The following PTPRN2 variants were observed in gnomAD, a reference collection of about 807,000 sequenced individuals.
PTPRN2 encodes the protein protein tyrosine phosphatase receptor type N2.
In PTPRN2, 74 loss-of-function variants were observed where a neutral mutation model predicts 118.8. The ratio of observed to expected loss-of-function variants is 0.62; its 90% CI spans 0.52 to 0.76. The LOEUF is 0.76. Ranked by LOEUF, PTPRN2 falls within the 30% of genes least tolerant of loss-of-function variation. The pLI is 0.00. For synonymous variants in PTPRN2, 641 were observed against 608.0 expected (o/e 1.05, Z -0.80); for missense variants, 1,481 against 1,394.4 (o/e 1.06, Z -0.99).
chr7:158,234,833 G>C (rs1305477266), intron 3 of PTPRN2, among the ~76,000 whole-genome samples: 1 of 152,074 alleles, frequency 6.6e-6, no homozygotes, highest in Non-Finnish European at 1.5e-5. Context: ...CACAATCTCC[G>C]CTCACTGCAA....
chr7:157,568,955 CCTG>C lies in PTPRN2; in HGVS notation c.2846_2848del (p.Ala949del). ...GATCAGGACGTAGGTGCCGCTCCGG[CCTG>C]CACCGTCACTGCCAACAGAAGGAGA... On this transcript the variant is annotated inframe_deletion, in exon 21 of 23. Transcript: ENST00000389418. 1 of 1,573,444 alleles carries C rather than the reference CCTG, an allele frequency of 6.4e-7. No individual in the cohort carries two copies. Among genetic ancestry groups the C allele is most frequent in the Non-Finnish European group, 8.7e-7 (1 of 1,143,276 alleles).
At chr7:157,829,282 G>GCAA (rs2151156952) in intron 12 of PTPRN2, among the ~76,000 whole-genome samples, 1 of 152,328 alleles carries the variant, frequency 6.6e-6, no homozygotes, top group East Asian at 1.9e-4. Flanking sequence ...TGTTGGGGCA[G>GCAA]GTGCTATCTG....
rs775989229 is a variant in PTPRN2, at chr7:158,192,304, C to T, written c.549+23G>A. The stretch of plus-strand genomic sequence containing the variant: ...CCTGAAGGAAAAGCCAACCCCGGCC[C>T]GGGGAGGAAGTGGAAGGGTCACCTC... On this transcript the variant is annotated intron_variant, in intron 5 of 22. Transcript: ENST00000389418. 9.9e-5 allele frequency: 143 copies of T among 1,448,200 alleles called. 1 individual carries two copies. The highest frequency in any genetic ancestry group is 6.0e-5 in the African/African-American group (4 of 67,122). 89.7% of individuals were successfully genotyped at this position (1,448,200 alleles called of 1,614,324 possible).
intron 5 of PTPRN2, among the ~76,000 whole-genome samples, chr7:158,187,916 C>A (rs1419522735): frequency 6.6e-6 from 1 of 152,170 alleles, no homozygotes; most frequent in Non-Finnish European, 1.5e-5. Flanking sequence ...AGAAGGTGGA[C>A]CCTGGCTGCT....
chr7:157,906,904 C>G (rs904022166), intron 11 of PTPRN2, among the ~76,000 whole-genome samples: 3 of 152,162 alleles, frequency 2.0e-5, no homozygotes, highest in Admixed American at 6.5e-5. Flanking sequence ...TTCTTTGGTT[C>G]TGGGACCTCT....
At chr7:158,353,862 C>T (rs936926038) in intron 2 of PTPRN2, among the ~76,000 whole-genome samples, 11 of 152,224 alleles carry the variant, frequency 7.2e-5, no homozygotes, top group African/African-American at 2.7e-4. Flanking sequence ...CCTGCCTCAA[C>T]CCATGGGGAG....
chr7:157,762,502 C>T lies in PTPRN2; in HGVS notation c.1789-79565G>A, dbSNP rs540998233. Among the ~76,000 whole-genome samples the T allele has an allele frequency of 2.9e-4, 44 of 150,226 alleles. No individual in the cohort carries two copies. The South Asian group carries it at 7.8e-3, about 27-fold the overall frequency. On this transcript the variant is annotated intron_variant, in intron 12 of 22. Transcript: ENST00000389418. ...AGTAAACTATCGCAAAAACAAAAAACCGAACACCGCATATTCTCACTCATA... is the reference window on the plus strand; with the variant it reads ...AGTAAACTATCGCAAAAACAAAAAATCGAACACCGCATATTCTCACTCATA...
At chr7:157,773,758 G>C (rs1415602358) in intron 12 of PTPRN2, among the ~76,000 whole-genome samples, 1 of 152,208 alleles carries the variant, frequency 6.6e-6, no homozygotes. Flanking sequence ...TCAGCCCCCA[G>C]GTCCTGGTTG....
In PTPRN2 at chr7:158,544,055, G is replaced by A. The variant is rs1162447806; in HGVS notation, c.112+43503C>T. On this transcript the variant is annotated intron_variant, in intron 1 of 22. Coordinates refer to ENST00000389418, the MANE Select transcript of PTPRN2 (RefSeq NM_002847.5). This position sits in a 1 kb window ranked among gnomAD's most constrained non-coding sequence, Gnocchi z 4.2. ...CCCCTCTGCACGGCACCAGAGTTGTGCAAGGAAGCAGAGGAGGCGGTGAGT... is the reference window on the plus strand; with the variant it reads ...CCCCTCTGCACGGCACCAGAGTTGTACAAGGAAGCAGAGGAGGCGGTGAGT... Among the ~76,000 whole-genome samples, 1 of 152,212 alleles carries A rather than the reference G, an allele frequency of 6.6e-6. No individual in the cohort carries two copies. Among genetic ancestry groups the A allele is most frequent in the South Asian group, 2.1e-4 (1 of 4,824 alleles).
At chr7:158,548,435 A>C (rs1270147515) in intron 1 of PTPRN2, among the ~76,000 whole-genome samples, 2 of 152,064 alleles carry the variant, frequency 1.3e-5, no homozygotes, top group Non-Finnish European at 2.9e-5. Context: ...AGCACCACCC[A>C]CAAGGGTGCA....
chr7:157,905,397 A>G (rs1440303684), intron 11 of PTPRN2, among the ~76,000 whole-genome samples: 1 of 152,238 alleles, frequency 6.6e-6, no homozygotes, highest in African/African-American at 2.4e-5. Context: ...CAGTTGGAGA[A>G]GCTGCCTTAA....
chr7:158,226,910 A>G (rs1228875426), intron 3 of PTPRN2, among the ~76,000 whole-genome samples: 5 of 152,064 alleles, frequency 3.3e-5, no homozygotes, highest in Non-Finnish European at 5.9e-5. Flanking sequence ...TTTCAAACAC[A>G]CTGGATCCAG....
chr7:158,277,749 G>A (rs1041587947), intron 3 of PTPRN2, among the ~76,000 whole-genome samples: 4 of 152,196 alleles, frequency 2.6e-5, no homozygotes, highest in African/African-American at 9.7e-5. Flanking sequence ...TGCCCGGCCG[G>A]GGTTGTGGTC....
chr7:157,580,209 G>C (rs1181721478), intron 17 of PTPRN2, among the ~76,000 whole-genome samples: 1 of 152,132 alleles, frequency 6.6e-6, no homozygotes, highest in East Asian at 1.9e-4. Context: ...ACTTAATCAA[G>C]TTAACATTGG....
intron 11 of PTPRN2, among the ~76,000 whole-genome samples, chr7:157,918,620 A>T (rs558379272): frequency 6.6e-6 from 1 of 152,354 alleles, no homozygotes; most frequent in Admixed American, 6.5e-5. Flanking sequence ...TCTATCAGAC[A>T]TACGAATGGA....
intron 2 of PTPRN2, among the ~76,000 whole-genome samples, chr7:158,452,561 G>A (rs1315403848): frequency 1.3e-5 from 2 of 152,110 alleles, no homozygotes; most frequent in Non-Finnish European, 2.9e-5. Flanking sequence ...CCACCCCACC[G>A]ATTTCCCCTC....
At chr7:158,347,934 G>A (rs1441794459) in intron 2 of PTPRN2, among the ~76,000 whole-genome samples, 1 of 151,946 alleles carries the variant, frequency 6.6e-6, no homozygotes, top group Non-Finnish European at 1.5e-5. Flanking sequence ...TGCATTCCTG[G>A]GGGTGCCCCC....
intron 11 of PTPRN2, among the ~76,000 whole-genome samples, chr7:158,052,905 C>T (rs532618554): frequency 6.6e-6 from 1 of 152,328 alleles, no homozygotes; most frequent in Admixed American, 6.5e-5. Flanking sequence ...GCTCCCTGGG[C>T]TACAGGGACA....
intron 12 of PTPRN2, among the ~76,000 whole-genome samples, chr7:157,709,257 C>G (rs1432984508): frequency 6.6e-6 from 1 of 152,216 alleles, no homozygotes; most frequent in South Asian, 2.1e-4. Flanking sequence ...CAATACGATG[C>G]CCTTCCATGC....
Sources: gnomAD v4.1 joint callset for allele counts (sites outside exome capture counted in the v4.1 genomes callset) on GRCh38, gnomAD v4.1.1 for gene constraint, Gnocchi (gnomAD v3.1) non-coding constraint, MANE v1.5 for transcripts, NCBI Gene and HGNC (gene_info 2026-07-23, HGNC 2026-07-21) for gene names.